The following ADGRG6 variants were observed in gnomAD, a reference collection of about 807,000 sequenced individuals.
ADGRG6 encodes adhesion G protein-coupled receptor G6.
Under a neutral mutation model 142.4 loss-of-function variants are expected in ADGRG6, and 84 were observed. That is an observed-to-expected ratio of 0.59 (90% CI 0.49 to 0.71). The LOEUF (loss-of-function observed/expected upper bound fraction) is 0.71. ADGRG6 is among the 30% of genes least tolerant of loss of function. The probability of loss-of-function intolerance (pLI) is 0.00; values close to 1 mark genes in which losing one functional copy is unlikely to be tolerated. For synonymous variants in ADGRG6, 521 were observed against 520.5 expected, an observed-to-expected ratio of 1.00 and a Z score of -0.01; for missense variants, 1,367 against 1,466.6, an observed-to-expected ratio of 0.93 and a Z score of 1.11.
chr6:142,330,865 G>C (rs774712096), intron 2 of ADGRG6, among the ~76,000 whole-genome samples: 2 of 152,068 alleles, frequency 1.3e-5, no homozygotes, highest in South Asian at 4.1e-4. Context: ...TTATACATCA[G>C]AGGAACTATA....
intron 22 of ADGRG6, among the ~76,000 whole-genome samples, chr6:142,421,853 T>C (rs1020931316): frequency 2.0e-5 from 3 of 152,222 alleles, no homozygotes; most frequent in African/African-American, 4.8e-5. Flanking sequence ...TTTCAGCACA[T>C]TTAATTATAT....
chr6:142,387,736 G>T (rs1782102405), intron 6 of ADGRG6, among the ~76,000 whole-genome samples: 1 of 152,084 alleles, frequency 6.6e-6, no homozygotes, highest in Non-Finnish European at 1.5e-5. Context: ...AGATAAAAAA[G>T]GGAAAGATTA....
Position 142,381,958 on chromosome 6 carries a change from C to A in ADGRG6, c.1077C>A (p.Tyr359Ter). Residue 359 changes from tyrosine to a stop codon, truncating the protein, a stop_gained, in exon 5 of 25, where the codon TAC (tyrosine) becomes TAA (stop). Transcript: ENST00000367609. LOFTEE classifies it high-confidence loss of function. ...KAESNLSCGS[Y>*]LIPLPAAELA... The stretch of plus-strand genomic sequence containing the variant: ...CTTTTTGTGTTGATCAAGGTTCCTA[C>A]CTGATCCCGCTCCCAGCAGCAGAAC... The A allele has an allele frequency of 6.3e-7, 1 of 1,597,204 alleles. No homozygotes were observed. The highest frequency in any genetic ancestry group is 8.6e-7 in the Non-Finnish European group (1 of 1,168,630).
chr6:142,319,245 A>C (rs1778400978), intron 2 of ADGRG6, among the ~76,000 whole-genome samples: 1 of 152,068 alleles, frequency 6.6e-6, no homozygotes, highest in Admixed American at 6.6e-5. Flanking sequence ...TTTAGTTGTG[A>C]CTGAGGGTTG....
At chr6:142,382,532 C>G (rs1040525) in intron 5 of ADGRG6, among the ~76,000 whole-genome samples, 4 of 151,906 alleles carry the variant, frequency 2.6e-5, no homozygotes, top group Non-Finnish European at 4.4e-5. Context: ...TTAATTATTA[C>G]GATGCTTACT....
Position 142,402,833 on chromosome 6 carries a change from A to G in ADGRG6, c.1955+3A>G, listed in dbSNP as rs1775597200. On this transcript the variant is annotated splice_donor_region_variant and intron_variant, in intron 13 of 24. Coordinates refer to ENST00000367609, the MANE Select transcript of ADGRG6 (RefSeq NM_198569.3). ...GACTTGCTTGAGTCATCTTCTGAGTAAGTATTTTTTTTTTCCTGGAGAGTA... is the reference window on the plus strand; with the variant it reads ...GACTTGCTTGAGTCATCTTCTGAGTGAGTATTTTTTTTTTCCTGGAGAGTA... 2 of 1,519,516 alleles carry G rather than the reference A, an allele frequency of 1.3e-6. No individual in the cohort carries two copies. Among genetic ancestry groups the G allele is most frequent in the African/African-American group, 1.4e-5 (1 of 71,836 alleles). 94.1% of individuals were successfully genotyped at this position (1,519,516 alleles called of 1,614,324 possible). A position where few individuals can be genotyped will look rare whatever the true frequency, so the allele number is the denominator to read the frequency against.
chr6:142,318,194 T>TA (rs1491492953), intron 2 of ADGRG6, among the ~76,000 whole-genome samples: 3 of 46,944 alleles, frequency 6.4e-5, no homozygotes, highest in Admixed American at 4.2e-4. Context: ...ATATTATATA[T>TA]TTATATTATA....
At chr6:142,323,109 A>T (rs915811623) in intron 2 of ADGRG6, among the ~76,000 whole-genome samples, 3 of 131,820 alleles carry the variant, frequency 2.3e-5, no homozygotes, top group African/African-American at 1.1e-4. Flanking sequence ...CCCCTGTATA[A>T]ATGTCACTTA....
chr6:142,429,879 C>G (rs1256387413), intron 22 of ADGRG6, among the ~76,000 whole-genome samples: 1 of 151,956 alleles, frequency 6.6e-6, no homozygotes, highest in Non-Finnish European at 1.5e-5. Context: ...TGGTGATACC[C>G]CATCTTTACA....
chr6:142,360,121 G>A (rs7762126), intron 2 of ADGRG6, among the ~76,000 whole-genome samples: 2,128 of 152,300 alleles, frequency 0.014, 52 homozygotes, highest in African/African-American at 0.048. Context: ...TTGAGATGGT[G>A]TGGGAGAAAG....
At chr6:142,386,211 A>G (rs1192266392) in intron 6 of ADGRG6, among the ~76,000 whole-genome samples, 1 of 152,178 alleles carries the variant, frequency 6.6e-6, no homozygotes, top group African/African-American at 2.4e-5. Flanking sequence ...TGATACCTCA[A>G]ATTACACTAA....
In ADGRG6 at chr6:142,377,149, G is replaced by C. The variant is rs75808647; in HGVS notation, c.1070-4802G>C. ...AGAACTTTGCTTCTTAGTTCAGCTA[G>C]AACCCGGGTTCTTGTCACACAACTA... On this transcript the variant is annotated intron_variant, in intron 4 of 24. Transcript: ENST00000367609. 7.6e-3 allele frequency among the ~76,000 whole-genome samples: 1,160 copies of C among 152,260 alleles called. 13 individuals carry two copies. The highest frequency in any genetic ancestry group is 0.027 in the African/African-American group (1,106 of 41,552).
intron 16 of ADGRG6, among the ~76,000 whole-genome samples, chr6:142,409,003 A>G (rs939637308): frequency 2.6e-5 from 4 of 152,170 alleles, no homozygotes; most frequent in Non-Finnish European, 4.4e-5. Context: ...TCATTCATAA[A>G]GGACGATTTT....
intron 24 of ADGRG6, among the ~76,000 whole-genome samples, chr6:142,441,555 A>C (rs1777757126): frequency 6.6e-6 from 1 of 152,186 alleles, no homozygotes; most frequent in South Asian, 2.1e-4. Flanking sequence ...TTGCTTTGTT[A>C]AACTGCAAAG....
chr6:142,407,796 C>A (rs1011336620), intron 15 of ADGRG6, among the ~76,000 whole-genome samples: 3 of 152,156 alleles, frequency 2.0e-5, no homozygotes, highest in Non-Finnish European at 2.9e-5. Context: ...CATCTATCTT[C>A]TAAAGTAGGG....
In ADGRG6 at chr6:142,420,043, T is replaced by G; in HGVS notation, c.3258T>G (p.Phe1086Leu). 2.5e-6 allele frequency: 4 copies of G among 1,613,480 alleles called. No individual in the cohort carries two copies. The highest frequency in any genetic ancestry group is 3.4e-6 in the Non-Finnish European group (4 of 1,179,512). The change falls in exon 22 of 25, where the codon TTT (phenylalanine) becomes TTG (leucine). Residue 1086 changes from phenylalanine to leucine, a missense_variant. Around this residue, in one of 3 missense-constraint regions of ADGRG6, gnomAD observed 344 missense variants for 348.7 expected, o/e 0.99. Transcript: ENST00000367609. ...GCATGACATGGGGTTTTGCATTCTT[T>G]GCCTGGGGACCCTTAAATATCCCCT... The part of the protein sequence containing the change: ...LLGMTWGFAF[F>L]AWGPLNIPFM...
Position 142,393,012 on chromosome 6 carries a change from TA to T in ADGRG6, c.1361+15del, listed in dbSNP as rs1255259112. 2.1e-6 allele frequency: 3 copies of T among 1,423,498 alleles called. No individual in the cohort carries two copies. The African/African-American group carries it at 4.2e-5, about 20-fold the overall frequency. 88.2% of individuals were successfully genotyped at this position (1,423,498 alleles called of 1,614,324 possible). On this transcript the variant is annotated intron_variant, in intron 8 of 24. Coordinates refer to ENST00000367609, the MANE Select transcript of ADGRG6 (RefSeq NM_198569.3). ...GTCGTTAATATCAGGTAAGACAGAA[TA>T]AATTATTTGATAAATTAAAAGTAGT...
intron 2 of ADGRG6, among the ~76,000 whole-genome samples, chr6:142,327,597 G>A (rs1448113383): frequency 6.6e-6 from 1 of 152,002 alleles, no homozygotes; most frequent in Non-Finnish European, 1.5e-5. Flanking sequence ...CTTCTTACCT[G>A]TCATCATTCC....
At chr6:142,400,780 A>T in intron 11 of ADGRG6, 184 bp downstream of exon 11, 1 of 520,420 alleles carries the variant, frequency 1.9e-6, no homozygotes, top group South Asian at 2.8e-5. Flanking sequence ...TCAGAAAGGC[A>T]GTGTTTTCCT....
Sources: allele counts gnomAD v4.1 joint callset (sites outside exome capture counted in the v4.1 genomes callset), GRCh38; gene constraint gnomAD v4.1.1; regional missense constraint gnomAD v4.1.1; transcripts MANE v1.5; gene names NCBI Gene and HGNC (gene_info 2026-07-23, HGNC 2026-07-21).